The following RNLS variants were observed in gnomAD, a reference collection of about 807,000 sequenced individuals.
RNLS encodes renalase, FAD dependent amine oxidase, also known as renalase.
RNLS carries 39 observed loss-of-function variants against 39.8 expected under a neutral mutation model. The ratio of observed to expected loss-of-function variants is 0.98; its 90% CI spans 0.76 to 1.28. RNLS has a LOEUF of 1.28. RNLS is among the 50% of genes most tolerant of loss of function. The pLI is 0.00. For synonymous variants in RNLS, 147 were observed against 150.7 expected (o/e 0.98, Z 0.18); for missense variants, 410 against 413.3 (o/e 0.99, Z 0.07).
At chr10:88,501,310 GA>G (rs1845472497) in intron 4 of RNLS, among the ~76,000 whole-genome samples, 1 of 152,036 alleles carries the variant, frequency 6.6e-6, no homozygotes, top group Non-Finnish European at 1.5e-5. Flanking sequence ...TCAAAATGGT[GA>G]TACTACCTAT....
chr10:88,551,022 C>T (rs528873911), intron 4 of RNLS, among the ~76,000 whole-genome samples: 2 of 152,200 alleles, frequency 1.3e-5, no homozygotes, highest in South Asian at 2.1e-4. Context: ...AATACACACC[C>T]GCAAATTCCC....
intron 5 of RNLS, among the ~76,000 whole-genome samples, chr10:88,360,200 C>T (rs1849528153): frequency 6.6e-6 from 1 of 152,144 alleles, no homozygotes; most frequent in East Asian, 1.9e-4. Context: ...TTCCTTCCTT[C>T]TTCCTAACAA....
the RNLS span, among the ~76,000 whole-genome samples, chr10:88,221,906 A>G: frequency 6.6e-6 from 1 of 152,140 alleles, no homozygotes; most frequent in African/African-American, 2.4e-5. Context: ...ACTGGAGTAG[A>G]CACATGAAAT....
chr10:88,210,899 A>G, the RNLS span, among the ~76,000 whole-genome samples: 1 of 152,258 alleles, frequency 6.6e-6, no homozygotes, highest in Middle Eastern at 3.4e-3. Flanking sequence ...CCCAGTGTAC[A>G]TTCCATGGCA....
intron 4 of RNLS, among the ~76,000 whole-genome samples, chr10:88,568,483 A>G (rs1849644292): frequency 6.6e-6 from 1 of 152,056 alleles, no homozygotes; most frequent in Admixed American, 6.6e-5. Flanking sequence ...ATGGTATGTG[A>G]CTTATAATCT....
chr10:88,301,600 G>C (rs1421613437), intron 6 of RNLS, among the ~76,000 whole-genome samples: 1 of 152,222 alleles, frequency 6.6e-6, no homozygotes, highest in African/African-American at 2.4e-5. Flanking sequence ...GTGCAAGTTA[G>C]TTTAGGAATG....
intron 4 of RNLS, among the ~76,000 whole-genome samples, chr10:88,513,904 C>T (rs1775607351): frequency 6.6e-6 from 1 of 151,950 alleles, no homozygotes; most frequent in South Asian, 2.1e-4. Context: ...GAAAAGGGAT[C>T]TTGTAGTAGT....
the RNLS span, among the ~76,000 whole-genome samples, chr10:88,178,774 C>T: frequency 0.079 from 12,013 of 152,228 alleles, 650 homozygotes; most frequent in Non-Finnish European, 0.13. Context: ...TACTGTTCTG[C>T]CTCACTTTGT....
chr10:88,525,718 G>A (rs1328666664), intron 4 of RNLS, among the ~76,000 whole-genome samples: 3 of 152,078 alleles, frequency 2.0e-5, no homozygotes, highest in Non-Finnish European at 4.4e-5. Context: ...GAATAATTCA[G>A]GTCAAGTAGG....
chr10:88,316,248 C>T (rs1200564609), intron 5 of RNLS, among the ~76,000 whole-genome samples: 1 of 152,154 alleles, frequency 6.6e-6, no homozygotes, highest in African/African-American at 2.4e-5. Context: ...GAGGGGCCAT[C>T]TCTTTGAATG....
At chr10:88,282,803 G>A (rs1437836053), downstream of RNLS, among the ~76,000 whole-genome samples, 7 of 152,128 alleles carry the variant, frequency 4.6e-5, no homozygotes, top group South Asian at 2.1e-4. Flanking sequence ...TGCTGCCTGA[G>A]CAAGACGTGC....
chr10:88,355,778 G>T (rs1849117966), intron 5 of RNLS, among the ~76,000 whole-genome samples: 1 of 152,232 alleles, frequency 6.6e-6, no homozygotes, highest in Non-Finnish European at 1.5e-5. Context: ...GGTTTCTGCT[G>T]CCTTTTGTTT....
intron 4 of RNLS, among the ~76,000 whole-genome samples, chr10:88,366,118 G>A (rs1308918723): frequency 6.6e-6 from 1 of 152,012 alleles, no homozygotes; most frequent in Non-Finnish European, 1.5e-5. Context: ...TCAAGTAAAT[G>A]GTATGTCAGT....
At chr10:88,506,675 T>C (rs777844988) in intron 4 of RNLS, among the ~76,000 whole-genome samples, 2 of 152,120 alleles carry the variant, frequency 1.3e-5, no homozygotes, top group Non-Finnish European at 2.9e-5. Flanking sequence ...TTTTTCCAAC[T>C]GTTTTTCAAC....
intron 5 of RNLS, among the ~76,000 whole-genome samples, chr10:88,330,338 G>T (rs1455157899): frequency 6.6e-6 from 1 of 151,854 alleles, no homozygotes; most frequent in African/African-American, 2.4e-5. Context: ...ACTTTAACTA[G>T]ATTTATACAA....
intron 4 of RNLS, among the ~76,000 whole-genome samples, chr10:88,551,919 G>C (rs1161319310): frequency 6.6e-6 from 1 of 152,148 alleles, no homozygotes; most frequent in Non-Finnish European, 1.5e-5. Flanking sequence ...ATTCCCATCT[G>C]ACGATGTGTT....
Position 88,284,415 on chromosome 10 carries a change from A to T in RNLS, c.*939T>A. The T allele has an allele frequency of 1.0e-6, 1 of 985,400 alleles. No homozygotes were observed. Among genetic ancestry groups the T allele is most frequent in the Non-Finnish European group, 1.2e-6 (1 of 829,912 alleles). 61.0% of individuals were successfully genotyped at this position (985,400 alleles called of 1,614,324 possible). A position where few individuals can be genotyped will look rare whatever the true frequency, so the allele number is the denominator to read the frequency against. ...GAAGGCTGGAGATTGATTTCTCTCC[A>T]GCTAGCAAGTCGTGGGGTCAGGTCA... On this transcript the variant is annotated 3_prime_UTR_variant, in exon 7 of 7. Transcript: ENST00000331772.
chr10:88,246,950 G>A, the RNLS span, among the ~76,000 whole-genome samples: 2 of 152,172 alleles, frequency 1.3e-5, no homozygotes, highest in Non-Finnish European at 2.9e-5. Flanking sequence ...TTTTCTAGCC[G>A]TATGGTAATT....
chr10:88,323,765 A>G (rs945444289), intron 5 of RNLS, among the ~76,000 whole-genome samples: 3 of 152,080 alleles, frequency 2.0e-5, no homozygotes, highest in Admixed American at 2.0e-4. Context: ...GGATTTAATT[A>G]AACTAATTAA....
Sources: gnomAD v4.1 joint callset for allele counts (sites outside exome capture counted in the v4.1 genomes callset) on GRCh38, gnomAD v4.1.1 for gene constraint, MANE v1.5 for transcripts, NCBI Gene and HGNC (gene_info 2026-07-23, HGNC 2026-07-21) for gene names.